EVC2: variants seen among roughly 807,000 people sequenced by gnomAD.
EVC2 encodes EvC ciliary complex subunit 2.
EVC2 carries 148 observed loss-of-function variants against 149.3 expected under a neutral mutation model. That is an observed-to-expected ratio of 0.99 (90% CI 0.87 to 1.14). EVC2 has a LOEUF of 1.14. Among genes scored for constraint, EVC2 ranks in the 50% most tolerant of loss-of-function variants. The pLI, the probability that EVC2 is intolerant of heterozygous loss-of-function variation, is 0.00. For missense variants in EVC2, 1,854 were observed against 1,627.3 expected (o/e 1.14, Z -2.40); for synonymous variants, 776 against 649.9 (o/e 1.19, Z -2.95).
In EVC2 at chr4:5,696,907, C is replaced by T. The variant is rs568569224; in HGVS notation, c.283+686G>A. On this transcript the variant is annotated intron_variant, in intron 2 of 21. Transcript: ENST00000344408. The surrounding 1 kb of genome is among the most constrained non-coding windows in gnomAD (Gnocchi z 4.1). ...TCTCAGATACTTTGCAAATGTGATT[C>T]CATTAAGGGCTTCGAGATGGGGAGA... 2.6e-5 allele frequency among the ~76,000 whole-genome samples: 4 copies of T among 152,272 alleles called. No homozygotes were observed. In the East Asian group the frequency reaches 7.7e-4, roughly 29 times the overall value.
intron 17 of EVC2, among the ~76,000 whole-genome samples, chr4:5,577,325 G>A (rs62297463): frequency 0.019 from 2,908 of 152,314 alleles, 46 homozygotes; most frequent in Non-Finnish European, 0.028. Context: ...ACCAGGATTA[G>A]ATAATCTCAC....
At chr4:5,671,789 C>A (rs993547621) in intron 7 of EVC2, among the ~76,000 whole-genome samples, 5 of 152,202 alleles carry the variant, frequency 3.3e-5, no homozygotes, top group African/African-American at 1.2e-4. Flanking sequence ...GGATTACAGA[C>A]GTCAGCCACT....
Position 5,637,633 on chromosome 4 carries a change from C to G in EVC2, c.1470+2881G>C, listed in dbSNP as rs1560184777. Among the ~76,000 whole-genome samples, 1 of 152,182 alleles carries G rather than the reference C, an allele frequency of 6.6e-6. No individual in the cohort carries two copies. Among genetic ancestry groups the G allele is most frequent in the Non-Finnish European group, 1.5e-5 (1 of 68,036 alleles). ...AACTATACAAACTGCATAATCCTTA[C>G]TTTATAAAAATAAATGGATAAAGCA... On this transcript the variant is annotated intron_variant, in intron 10 of 21. Coordinates refer to ENST00000344408, the MANE Select transcript of EVC2 (RefSeq NM_147127.5). This position sits in a 1 kb window ranked among gnomAD's most constrained non-coding sequence, Gnocchi z 4.4.
intron 10 of EVC2, among the ~76,000 whole-genome samples, chr4:5,638,085 C>T (rs373247693): frequency 1.1e-4 from 16 of 151,942 alleles, no homozygotes; most frequent in African/African-American, 2.9e-4. Flanking sequence ...GCATGTATTA[C>T]GTTTAAAGGT....
intron 16 of EVC2, among the ~76,000 whole-genome samples, chr4:5,590,573 C>T (rs1258545535): frequency 2.6e-5 from 4 of 152,114 alleles, no homozygotes; most frequent in Admixed American, 6.5e-5. Flanking sequence ...CTCCTTTTTG[C>T]TGTTTTGACA....
downstream of EVC2, among the ~76,000 whole-genome samples, chr4:5,558,423 C>T (rs1193746402): frequency 6.6e-6 from 1 of 152,150 alleles, no homozygotes; most frequent in African/African-American, 2.4e-5. Flanking sequence ...AGTAAAACTA[C>T]TTTGTATGAT....
chr4:5,622,550 G>A lies in EVC2; in HGVS notation c.2488C>T (p.His830Tyr), dbSNP rs773155617. 1.2e-6 allele frequency: 2 copies of A among 1,613,818 alleles called. No homozygotes were observed. The highest frequency in any genetic ancestry group is 1.7e-6 in the Non-Finnish European group (2 of 1,179,938). The change falls in exon 14 of 22, where the codon CAC becomes TAC. Residue 830 changes from histidine (H) to tyrosine (Y), a missense_variant. By Grantham distance (83) the His-to-Tyr change is moderately conservative. Transcript: ENST00000344408. The surrounding 1 kb of genome is among the most constrained non-coding windows in gnomAD (Gnocchi z 5.8). ...AAAGGCACTCACATGAAGATCAGGT[G>A]CTCCCAGCGTCGCAGCTCTGCCTGC... ...EEQAELRRWEHLIFMKLCSSV... is the reference protein window; with the variant it reads ...EEQAELRRWEYLIFMKLCSSV...
At chr4:5,626,572 G>T (rs1716132609) in intron 12 of EVC2, among the ~76,000 whole-genome samples, 1 of 152,044 alleles carries the variant, frequency 6.6e-6, no homozygotes, top group Non-Finnish European at 1.5e-5. Flanking sequence ...CTGACCTCGT[G>T]ATCCACCCGC....
chr4:5,593,959 C>T (rs1253740951), intron 16 of EVC2, among the ~76,000 whole-genome samples: 4 of 152,220 alleles, frequency 2.6e-5, no homozygotes, highest in Admixed American at 6.5e-5. Flanking sequence ...CATGGAGTCT[C>T]GCTGATTGCT....
rs562938266 is a variant in EVC2, at chr4:5,706,810, G to A, written c.228+1476C>T. Among the ~76,000 whole-genome samples the A allele has an allele frequency of 3.1e-3, 477 of 152,254 alleles. 3 individuals are homozygous for A. Among genetic ancestry groups the A allele is most frequent in the African/African-American group, 0.011 (465 of 41,546 alleles). The stretch of plus-strand genomic sequence containing the variant: ...TGGGCAGGGCCAGGGCCCAGGGGAC[G>A]TGCTCAAGATGCCAAGGGCACCTGA... On this transcript the variant is annotated intron_variant, in intron 1 of 21. Coordinates refer to ENST00000344408, the MANE Select transcript of EVC2 (RefSeq NM_147127.5).
chr4:5,649,877 AC>A (rs11294335), intron 9 of EVC2, among the ~76,000 whole-genome samples: 57,864 of 151,952 alleles, frequency 0.38, 11,741 homozygotes, highest in East Asian at 0.48. Flanking sequence ...GAAGGCATAG[AC>A]AATGGAAATT....
At chr4:5,628,372 T>C (rs973345689) in intron 12 of EVC2, among the ~76,000 whole-genome samples, 187 bp downstream of exon 12, 2 of 152,172 alleles carry the variant, frequency 1.3e-5, no homozygotes, top group African/African-American at 4.8e-5. Flanking sequence ...TCTTCCCACA[T>C]GATGCCCTTC....
intron 9 of EVC2, among the ~76,000 whole-genome samples, chr4:5,649,736 A>G (rs1334789387): frequency 6.6e-6 from 1 of 152,194 alleles, no homozygotes; most frequent in Admixed American, 6.5e-5. Context: ...GTGTAAGCAC[A>G]ATAGACCCCC....
chr4:5,634,021 A>C (rs188466750), intron 10 of EVC2, among the ~76,000 whole-genome samples: 4 of 152,352 alleles, frequency 2.6e-5, no homozygotes, highest in Admixed American at 1.3e-4. Context: ...AAGGGCCAAC[A>C]CATGGCATCC....
At chr4:5,595,523 G>A (rs1475160052) in intron 16 of EVC2, among the ~76,000 whole-genome samples, 1 of 152,136 alleles carries the variant, frequency 6.6e-6, no homozygotes, top group Non-Finnish European at 1.5e-5. Context: ...AATGCTGAGA[G>A]ATTTTGTCAC....
intron 16 of EVC2, among the ~76,000 whole-genome samples, chr4:5,609,179 G>GA (rs35313279): frequency 2.6e-5 from 4 of 151,908 alleles, no homozygotes; most frequent in Non-Finnish European, 5.9e-5. Flanking sequence ...GAATAAATCT[G>GA]AAAAAATCTC....
chr4:5,532,895 A>C, the EVC2 span, among the ~76,000 whole-genome samples: 2 of 151,650 alleles, frequency 1.3e-5, no homozygotes, highest in Admixed American at 6.6e-5. Flanking sequence ...CTGGACTCTA[A>C]TGCCTGAGTC....
chr4:5,536,774 A>AC, the EVC2 span, among the ~76,000 whole-genome samples: 1 of 143,108 alleles, frequency 7.0e-6, no homozygotes, highest in Non-Finnish European at 1.5e-5. Flanking sequence ...ACAGAGCAAG[A>AC]CTCTGTCTCA....
In EVC2 at chr4:5,608,536, ATTATT is replaced by A. The variant is rs777930365; in HGVS notation, c.2829+6881_2829+6885del. Among the ~76,000 whole-genome samples the A allele has an allele frequency of 2.0e-3, 297 of 151,964 alleles. 1 individual carries two copies. The highest frequency in any genetic ancestry group is 6.8e-3 in the Middle Eastern group (2 of 294). Reference sequence around the variant, plus strand: ...AAAGAGATTAGCATCTTGTTATTTTATTATTTTATTTTAATGAGACAGAGTCTCGG... The same window carrying A: ...AAAGAGATTAGCATCTTGTTATTTTATTATTTTAATGAGACAGAGTCTCGG... On this transcript the variant is annotated intron_variant, in intron 16 of 21. Coordinates refer to ENST00000344408, the MANE Select transcript of EVC2 (RefSeq NM_147127.5).
Sources: allele counts gnomAD v4.1 joint callset (sites outside exome capture counted in the v4.1 genomes callset), GRCh38; gene constraint gnomAD v4.1.1; non-coding constraint Gnocchi (gnomAD v3.1); transcripts MANE v1.5; gene names NCBI Gene and HGNC (gene_info 2026-07-23, HGNC 2026-07-21).